PDE2A: variants seen among roughly 807,000 people sequenced by gnomAD.
The protein encoded by PDE2A is cGMP-dependent 3',5'-cyclic phosphodiesterase.
Under a neutral mutation model 133.6 loss-of-function variants are expected in PDE2A, and 53 were observed. The ratio of observed to expected loss-of-function variants is 0.40; its 90% CI spans 0.32 to 0.50. The LOEUF is 0.50. PDE2A is among the 20% of genes least tolerant of loss of function. The pLI is 0.73. For synonymous variants in PDE2A, 491 were observed against 490.2 expected (o/e 1.00, Z -0.02); for missense variants, 796 against 1,232.4 (o/e 0.65, Z 5.30).
chr11:72,603,499 C>T (rs562797183), intron 4 of PDE2A, among the ~76,000 whole-genome samples: 39 of 152,216 alleles, frequency 2.6e-4, no homozygotes, highest in African/African-American at 8.2e-4. Context: ...CCCGCTGCCT[C>T]CTGAGCCTGT....
chr11:72,625,317 C>T (rs1319823458), intron 2 of PDE2A, among the ~76,000 whole-genome samples: 1 of 152,220 alleles, frequency 6.6e-6, no homozygotes, highest in South Asian at 2.1e-4. Flanking sequence ...CTCCGGGCCT[C>T]GCCCCAGCCC....
In PDE2A at chr11:72,648,736, T is replaced by C. The variant is rs552786185; in HGVS notation, c.72-6410A>G. 1.9e-3 allele frequency among the ~76,000 whole-genome samples: 290 copies of C among 152,202 alleles called. 2 individuals carry two copies. Among genetic ancestry groups the C allele is most frequent in the African/African-American group, 6.7e-3 (279 of 41,512 alleles). ...CTTAGGCCTTAGTCTCTGCTCCCCA[T>C]CATCCACAGACCCCAAGATCCTTCC... On this transcript the variant is annotated intron_variant, in intron 1 of 30. Coordinates refer to ENST00000334456, the MANE Select transcript of PDE2A (RefSeq NM_002599.5).
At chr11:72,672,531 T>C (rs2135469876) in intron 1 of PDE2A, among the ~76,000 whole-genome samples, 2 of 152,212 alleles carry the variant, frequency 1.3e-5, no homozygotes, top group Middle Eastern at 3.4e-3. Context: ...CTCTCCCCTA[T>C]ATAAAACCTT....
intron 1 of PDE2A, among the ~76,000 whole-genome samples, chr11:72,654,201 G>GGGGA (rs1379395547): frequency 6.6e-6 from 1 of 152,160 alleles, no homozygotes; most frequent in African/African-American, 2.4e-5. Context: ...GAACACAGCC[G>GGGGA]CCCACCCAGC....
intron 20 of PDE2A, among the ~76,000 whole-genome samples, chr11:72,582,922 A>G (rs1855788231): frequency 6.6e-6 from 1 of 152,084 alleles, no homozygotes; most frequent in South Asian, 2.1e-4. Context: ...TCTTCCTACT[A>G]CAGTTTTGAT....
At chr11:72,613,826 G>T (rs541154346) in intron 2 of PDE2A, among the ~76,000 whole-genome samples, 1 of 152,308 alleles carries the variant, frequency 6.6e-6, no homozygotes, top group South Asian at 2.1e-4. Context: ...CGCCTCTTTT[G>T]CTTCCTGCCT....
intron 3 of PDE2A, among the ~76,000 whole-genome samples, chr11:72,607,357 T>C (rs142836825): frequency 6.4e-4 from 98 of 152,208 alleles, no homozygotes; most frequent in Admixed American, 1.4e-3. Context: ...CCACAGAGGC[T>C]CTCGGGGCAG....
At chr11:72,608,998 T>C (rs1857090403) in intron 2 of PDE2A, among the ~76,000 whole-genome samples, 1 of 152,232 alleles carries the variant, frequency 6.6e-6, no homozygotes, top group Admixed American at 6.5e-5. Flanking sequence ...AAAGGCCTCA[T>C]AGTGAGTCAA....
chr11:72,583,557 G>T, intron 19 of PDE2A, 42 bp from the exon 20 acceptor site: 1 of 1,403,950 alleles, frequency 7.1e-7, no homozygotes, highest in Non-Finnish European at 1.0e-6. Flanking sequence ...GAAGGTGGCT[G>T]TGAAAATTTA....
At chr11:72,646,604 T>C (rs1859133455) in intron 1 of PDE2A, among the ~76,000 whole-genome samples, 1 of 152,156 alleles carries the variant, frequency 6.6e-6, no homozygotes, top group South Asian at 2.1e-4. Context: ...GCTCATAATC[T>C]TCACTGGGCT....
chr11:72,603,720 G>A lies in PDE2A; in HGVS notation c.323+1418C>T, dbSNP rs144185945. Among the ~76,000 whole-genome samples, 648 of 152,282 alleles carry A rather than the reference G, an allele frequency of 4.3e-3. 2 individuals are homozygous for A. The highest frequency in any genetic ancestry group is 7.6e-3 in the Non-Finnish European group (516 of 68,012). The stretch of plus-strand genomic sequence containing the variant: ...CCTTTCAGACCATCCTCTTACAGAC[G>A]GGACACAAAGGCTAGAGAGAGGTGG... On this transcript the variant is annotated intron_variant, in intron 4 of 30. Transcript: ENST00000334456.
chr11:72,638,877 G>A (rs757853727), intron 2 of PDE2A, among the ~76,000 whole-genome samples: 34 of 152,216 alleles, frequency 2.2e-4, no homozygotes, highest in Non-Finnish European at 2.9e-4. Flanking sequence ...AGTGTTGCCT[G>A]GGGAATGGCC....
intron 2 of PDE2A, among the ~76,000 whole-genome samples, chr11:72,638,587 A>G (rs1293395187): frequency 5.3e-5 from 8 of 152,208 alleles, no homozygotes. Flanking sequence ...GAGCTCCATG[A>G]GGCCAGTTTG....
intron 11 of PDE2A, 24 bp from the exon 12 acceptor site, chr11:72,589,264 T>G: frequency 6.3e-7 from 1 of 1,588,606 alleles, no homozygotes; most frequent in Non-Finnish European, 8.6e-7. Flanking sequence ...AGAGACTGAG[T>G]CAGGGCCCAG....
intron 2 of PDE2A, among the ~76,000 whole-genome samples, chr11:72,611,514 A>G (rs981706491): frequency 7.2e-5 from 11 of 152,104 alleles, no homozygotes; most frequent in African/African-American, 2.7e-4. Context: ...TGCCTGCCTG[A>G]CCTTTGCTCT....
At chr11:72,579,785 G>C in intron 25 of PDE2A, 177 bp from the exon 26 acceptor site, 1 of 596,576 alleles carries the variant, frequency 1.7e-6, no homozygotes. Flanking sequence ...CCCTCTGTGT[G>C]ACCCAGGGTG....
intron 4 of PDE2A, chr11:72,598,472 C>T (rs1194967010): frequency 1.0e-5 from 13 of 1,274,352 alleles, no homozygotes; most frequent in South Asian, 1.2e-5. Context: ...ACCTCCTCTA[C>T]CCCCCAGCCT....
intron 6 of PDE2A, 109 bp downstream of exon 6, chr11:72,596,484 T>TCA (rs60716742): frequency 0.085 from 16,063 of 189,028 alleles, 687 homozygotes; most frequent in Non-Finnish European, 0.1. Context: ...TCTCTCTCTC[T>TCA]CACACACACA....
rs1314408837 is a variant in PDE2A, at chr11:72,578,960, G to T, written c.2406C>A (p.Leu802=). The T allele has an allele frequency of 6.2e-7, 1 of 1,613,996 alleles. No homozygotes were observed. Among genetic ancestry groups the T allele is most frequent in the East Asian group, 2.2e-5 (1 of 44,892 alleles). ...CAGAGAGGTCACAGGAGGTCATGAG[G>T]AGGCAGAGGAGAAGTCTGTGGTGCT... The part of the protein sequence containing the change: ...NKQHHRLLLC[L]LMTSCDLSDQ... Residue 802 remains leucine, a synonymous_variant, in exon 28 of 31, where the codon CTC becomes CTA. Coordinates refer to ENST00000334456, the MANE Select transcript of PDE2A (RefSeq NM_002599.5). This position sits in a 1 kb window ranked among gnomAD's most constrained non-coding sequence, Gnocchi z 4.2.
Sources: allele counts gnomAD v4.1 joint callset (sites outside exome capture counted in the v4.1 genomes callset), GRCh38; gene constraint gnomAD v4.1.1; non-coding constraint Gnocchi (gnomAD v3.1); transcripts MANE v1.5; gene names NCBI Gene and HGNC (gene_info 2026-07-23, HGNC 2026-07-21).